Variants in COL23A1 observed in about 807,000 individuals in gnomAD.
COL23A1 encodes collagen alpha-1(XXIII) chain.
Under a neutral mutation model 99.3 loss-of-function variants are expected in COL23A1, and 97 were observed. That is an observed-to-expected ratio of 0.98 (90% CI 0.83 to 1.16). COL23A1 has a LOEUF of 1.16. Among genes scored for constraint, COL23A1 ranks in the 50% most tolerant of loss-of-function variants. The pLI, the probability that COL23A1 is intolerant of heterozygous loss-of-function variation, is 0.00. For synonymous variants in COL23A1, 320 were observed against 308.2 expected (o/e 1.04, Z -0.40); for missense variants, 762 against 757.4 (o/e 1.01, Z -0.07).
chr5:178,552,383 A>C (rs1477222409), intron 2 of COL23A1, among the ~76,000 whole-genome samples: 1 of 152,174 alleles, frequency 6.6e-6, no homozygotes, highest in Non-Finnish European at 1.5e-5. Flanking sequence ...CGTGCCCCCC[A>C]AAAAATCAGA....
chr5:178,264,907 A>G (rs1755789261), intron 8 of COL23A1, among the ~76,000 whole-genome samples: 1 of 152,158 alleles, frequency 6.6e-6, no homozygotes, highest in Admixed American at 6.5e-5. Context: ...TGGCCTCCCA[A>G]AGTGCTGGGA....
At chr5:178,549,238 C>T (rs182035965) in intron 2 of COL23A1, among the ~76,000 whole-genome samples, 3 of 152,108 alleles carry the variant, frequency 2.0e-5, no homozygotes, top group African/African-American at 7.2e-5. Flanking sequence ...AGGTTATCCA[C>T]CCGCCTCGGC....
At chr5:178,318,660 G>C (rs1581142944) in intron 2 of COL23A1, among the ~76,000 whole-genome samples, 1 of 152,350 alleles carries the variant, frequency 6.6e-6, no homozygotes, top group Middle Eastern at 3.4e-3. Flanking sequence ...CCAGCACTTT[G>C]GGAGGCCGAG....
chr5:178,242,452 T>C, intron 25 of COL23A1, 58 bp from the exon 26 acceptor site: 7 of 1,555,658 alleles, frequency 4.5e-6, no homozygotes, highest in Non-Finnish European at 5.3e-6. Flanking sequence ...GCCCCTCTGT[T>C]ACCGGCTCAT....
At chr5:178,393,233 C>G (rs1232795910) in intron 2 of COL23A1, among the ~76,000 whole-genome samples, 3 of 152,186 alleles carry the variant, frequency 2.0e-5, no homozygotes, top group African/African-American at 7.2e-5. Context: ...ACACATGCGA[C>G]AGCACGGATG....
chr5:178,307,382 G>A lies in COL23A1; in HGVS notation c.362-463C>T, dbSNP rs1434772244. 1.3e-5 allele frequency among the ~76,000 whole-genome samples: 2 copies of A among 152,190 alleles called. No homozygotes were observed. The highest frequency in any genetic ancestry group is 3.8e-4 in the East Asian group (2 of 5,196). The stretch of plus-strand genomic sequence containing the variant: ...GCCAACACAACAAAGAGGCCATCAC[G>A]GCCGCGCAGCGCCGAAATCCACTCA... On this transcript the variant is annotated intron_variant, in intron 2 of 28. Transcript: ENST00000390654. The surrounding 1 kb of genome is among the most constrained non-coding windows in gnomAD (Gnocchi z 4.2).
intron 2 of COL23A1, among the ~76,000 whole-genome samples, chr5:178,360,879 G>A (rs771935436): frequency 6.6e-5 from 10 of 152,196 alleles, no homozygotes; most frequent in Admixed American, 1.3e-4. Context: ...GAAATGCTAC[G>A]CACCTGGGGC....
intron 2 of COL23A1, among the ~76,000 whole-genome samples, chr5:178,461,779 T>C (rs764601755): frequency 3.9e-5 from 6 of 152,222 alleles, no homozygotes; most frequent in Non-Finnish European, 4.4e-5. Context: ...CCGTACATAT[T>C]GAGGACACTG....
chr5:178,513,695 G>A (rs1759343538), intron 2 of COL23A1, among the ~76,000 whole-genome samples: 1 of 151,914 alleles, frequency 6.6e-6, no homozygotes, highest in Admixed American at 6.6e-5. Flanking sequence ...TCCTATGGGT[G>A]TAGGACTAAG....
chr5:178,391,180 T>C (rs182929429), intron 2 of COL23A1, among the ~76,000 whole-genome samples: 2 of 152,378 alleles, frequency 1.3e-5, no homozygotes, highest in African/African-American at 4.8e-5. Flanking sequence ...GAGAATCTAA[T>C]GCCTCCAAAA....
intron 12 of COL23A1, among the ~76,000 whole-genome samples, chr5:178,258,236 A>AATATATATATATATAT (rs70994992): frequency 3.8e-4 from 27 of 71,924 alleles, no homozygotes; most frequent in African/African-American, 7.0e-4. Context: ...CCTGTCTTAA[A>AATATATATATATATAT]ATATATATAT....
At chr5:178,243,541 G>T (rs923236493) in intron 25 of COL23A1, among the ~76,000 whole-genome samples, 1 of 152,002 alleles carries the variant, frequency 6.6e-6, no homozygotes, top group African/African-American at 2.4e-5. Flanking sequence ...ATTCGACATG[G>T]TCCCTTGTTC....
intron 2 of COL23A1, among the ~76,000 whole-genome samples, chr5:178,435,743 T>G (rs1201541918): frequency 6.6e-6 from 1 of 152,182 alleles, no homozygotes; most frequent in Admixed American, 6.5e-5. Context: ...TGCAGGGCCC[T>G]GTTTACCTTA....
chr5:178,501,847 C>A (rs1015594121), intron 2 of COL23A1, among the ~76,000 whole-genome samples: 2 of 152,202 alleles, frequency 1.3e-5, no homozygotes, highest in African/African-American at 2.4e-5. Context: ...CTAATCAGGG[C>A]CCTGCCTTGG....
chr5:178,391,996 T>C (rs892883628), intron 2 of COL23A1, among the ~76,000 whole-genome samples: 21 of 152,272 alleles, frequency 1.4e-4, no homozygotes, highest in Middle Eastern at 3.4e-3. Flanking sequence ...TATTATATGA[T>C]CCTATTTATA....
intron 2 of COL23A1, among the ~76,000 whole-genome samples, chr5:178,545,328 G>A (rs778899523): frequency 9.2e-5 from 14 of 152,186 alleles, no homozygotes; most frequent in East Asian, 1.9e-4. Context: ...CTCAGGTTCC[G>A]CACGAGGCTA....
chr5:178,522,663 T>C (rs894746604), intron 2 of COL23A1, among the ~76,000 whole-genome samples: 1 of 152,106 alleles, frequency 6.6e-6, no homozygotes, highest in Admixed American at 6.5e-5. Flanking sequence ...GGGACAGTGG[T>C]GGAGGGCACG....
intron 2 of COL23A1, among the ~76,000 whole-genome samples, chr5:178,406,751 T>C (rs1219903258): frequency 6.6e-6 from 1 of 152,166 alleles, no homozygotes; most frequent in Non-Finnish European, 1.5e-5. Flanking sequence ...ATTTGAAAAC[T>C]TAAAATAATA....
At chr5:178,529,726 G>T (rs897436617) in intron 2 of COL23A1, among the ~76,000 whole-genome samples, 1 of 152,122 alleles carries the variant, frequency 6.6e-6, no homozygotes, top group Admixed American at 6.5e-5. Flanking sequence ...CCAGGCCTCT[G>T]TCTCCCCAGC....
Sources: allele counts gnomAD v4.1 joint callset (sites outside exome capture counted in the v4.1 genomes callset), GRCh38; gene constraint gnomAD v4.1.1; non-coding constraint Gnocchi (gnomAD v3.1); transcripts MANE v1.5; gene names NCBI Gene and HGNC (gene_info 2026-07-23, HGNC 2026-07-21).